The following MRPS31 variants were observed in gnomAD, a reference collection of about 807,000 sequenced individuals.
The protein encoded by MRPS31 is small ribosomal subunit protein mS31.
In MRPS31, 32 loss-of-function variants were observed where a neutral mutation model predicts 43.1. The observed-to-expected ratio is 0.74, with a 90% CI of 0.56 to 1.00. MRPS31 has a LOEUF of 1.00. Ranked by LOEUF, MRPS31 falls within the 50% of genes least tolerant of loss-of-function variation. MRPS31 has a pLI of 0.00. For synonymous variants in MRPS31, 165 were observed against 161.6 expected (o/e 1.02, Z -0.16); for missense variants, 437 against 466.7 (o/e 0.94, Z 0.59).
chr13:40,770,686 A>G (rs1880981576), intron 1 of MRPS31: 1 of 375,002 alleles, frequency 2.7e-6, no homozygotes, highest in African/African-American at 2.1e-5. Context: ...TAAATGAAGG[A>G]AAACAAATGA....
In MRPS31 at chr13:40,736,639, A is replaced by G. The variant is rs1264520084; in HGVS notation, c.959-7038T>C. 2.0e-5 allele frequency among the ~76,000 whole-genome samples: 3 copies of G among 150,864 alleles called. No individual in the cohort carries two copies. In the East Asian group the frequency reaches 5.9e-4, roughly 30 times the overall value. On this transcript the variant is annotated intron_variant, in intron 6 of 6. Coordinates refer to ENST00000323563, the MANE Select transcript of MRPS31 (RefSeq NM_005830.4). ...GGGGACCAATATTGAACATTCTTAA[A>G]GAAAAGAATTTTCAACCCAGAATTT...
At chr13:40,752,440 A>G (rs1043631041) in intron 5 of MRPS31, 2 of 152,226 alleles carry the variant, frequency 1.3e-5, no homozygotes, top group South Asian at 2.1e-4. Context: ...TTTTTGTAAT[A>G]TAAGAAGGGG....
intron 5 of MRPS31, 71 bp downstream of exon 5, chr13:40,753,948 T>G (rs1398292300): frequency 2.1e-6 from 2 of 972,224 alleles, no homozygotes; most frequent in Non-Finnish European, 3.2e-6. Context: ...TCCAAACTAT[T>G]AGAACACTAA....
intron 2 of MRPS31, among the ~76,000 whole-genome samples, chr13:40,764,946 T>G (rs970324076): frequency 6.6e-6 from 1 of 152,194 alleles, no homozygotes; most frequent in Non-Finnish European, 1.5e-5. Flanking sequence ...ACCATATCAA[T>G]GAAGGTTCAA....
At position 40,747,446 on chromosome 13, in the gene MRPS31, C is replaced by T. The variant is rs9577137; in HGVS notation, c.958+1692G>A. On this transcript the variant is annotated intron_variant, in intron 6 of 6. Transcript: ENST00000323563. ...ATGGCTAAAATGGACAGGGCTGCTA[C>T]TCAGGTTTGTACGACTAAAAAGGCG... Among the ~76,000 whole-genome samples, 305 of 152,300 alleles carry T rather than the reference C, an allele frequency of 2.0e-3. 4 individuals carry two copies. The East Asian group carries it at 0.047, about 24-fold the overall frequency.
chr13:40,765,622 T>C (rs117070317), intron 2 of MRPS31, among the ~76,000 whole-genome samples: 104 of 152,316 alleles, frequency 6.8e-4, no homozygotes, highest in Non-Finnish European at 1.2e-3. Flanking sequence ...CTGAATTAGC[T>C]TACTCTACTA....
rs539833541 is a variant in MRPS31 at position 40,742,223 on chromosome 13, A to G, written c.958+6915T>C. Reference sequence around the variant, plus strand: ...CATAAGAGACAGTGAAACATTAAACATAAGGAGGAAATCCTATATGATGCA... The same window carrying G: ...CATAAGAGACAGTGAAACATTAAACGTAAGGAGGAAATCCTATATGATGCA... On this transcript the variant is annotated intron_variant, in intron 6 of 6. Coordinates refer to ENST00000323563, the MANE Select transcript of MRPS31 (RefSeq NM_005830.4). 2.6e-5 allele frequency among the ~76,000 whole-genome samples: 4 copies of G among 152,220 alleles called. 1 individual carries two copies. The highest frequency in any genetic ancestry group is 4.1e-4 in the South Asian group (2 of 4,834).
intron 1 of MRPS31, among the ~76,000 whole-genome samples, chr13:40,770,588 G>A (rs1880979324): frequency 6.6e-6 from 1 of 152,150 alleles, no homozygotes; most frequent in Non-Finnish European, 1.5e-5. Flanking sequence ...GGAACTACAC[G>A]CTCCGTGATG....
chr13:40,730,260 C>G (rs556942348), intron 6 of MRPS31, among the ~76,000 whole-genome samples: 1 of 151,776 alleles, frequency 6.6e-6, no homozygotes. Flanking sequence ...TGGTGGCTCA[C>G]GCCTATAATC....
chr13:40,760,090 T>C (rs1330841725), intron 2 of MRPS31, among the ~76,000 whole-genome samples: 2 of 147,382 alleles, frequency 1.4e-5, no homozygotes, highest in Non-Finnish European at 3.0e-5. Context: ...TGAGCCAGGA[T>C]TGCGCCACTG....
chr13:40,734,904 C>T (rs1166086672), intron 6 of MRPS31, among the ~76,000 whole-genome samples: 2 of 152,072 alleles, frequency 1.3e-5, no homozygotes, highest in African/African-American at 4.8e-5. Flanking sequence ...TCAAAAAACC[C>T]CAAATAACGC....
chr13:40,742,524 C>T (rs1054552444), intron 6 of MRPS31, among the ~76,000 whole-genome samples: 2 of 152,156 alleles, frequency 1.3e-5, no homozygotes, highest in African/African-American at 4.8e-5. Context: ...AAACAACAAA[C>T]AGATCCTGCT....
intron 6 of MRPS31, among the ~76,000 whole-genome samples, chr13:40,731,611 G>A (rs1166775416): frequency 4.6e-5 from 7 of 150,710 alleles, no homozygotes; most frequent in African/African-American, 1.5e-4. Flanking sequence ...AAAAAGAAAA[G>A]ACAGAGGAAA....
At chr13:40,729,717 A>C in intron 6 of MRPS31, 116 bp from the exon 7 acceptor site, 1 of 701,928 alleles carries the variant, frequency 1.4e-6, no homozygotes, top group East Asian at 2.8e-5. Flanking sequence ...CTTTGGAGTT[A>C]GACCTAGGTT....
At chr13:40,766,600 T>C (rs960784323) in intron 2 of MRPS31, 146 bp downstream of exon 2, 17 of 865,104 alleles carry the variant, frequency 2.0e-5, no homozygotes, top group Non-Finnish European at 2.4e-5. Flanking sequence ...CAGCCTCGAG[T>C]AATTATTAGA....
At position 40,753,993 on chromosome 13, in the gene MRPS31, GAGAA is replaced by G. The variant is rs369158380; in HGVS notation, c.814+22_814+25del. 162 of 1,422,074 alleles carry G rather than the reference GAGAA, an allele frequency of 1.1e-4. 1 individual carries two copies. In the African/African-American group the frequency reaches 2.1e-3, roughly 19 times the overall value. 88.1% of individuals were successfully genotyped at this position (1,422,074 alleles called of 1,614,324 possible). A position where few individuals can be genotyped will look rare whatever the true frequency, so the allele number is the denominator to read the frequency against. ...GGAACGATGGAATGTTTCTCCACCT[GAGAA>G]AGAGTGTTATTCTTAACAAACCTGT... On this transcript the variant is annotated intron_variant, in intron 5 of 6. Coordinates refer to ENST00000323563, the MANE Select transcript of MRPS31 (RefSeq NM_005830.4).
chr13:40,761,599 C>G (rs146198036), intron 2 of MRPS31, among the ~76,000 whole-genome samples: 4 of 152,132 alleles, frequency 2.6e-5, no homozygotes, highest in African/African-American at 9.6e-5. Context: ...GATCTTTCTT[C>G]ATATATTTTA....
chr13:40,770,042 GA>G (rs1470939388), intron 1 of MRPS31, among the ~76,000 whole-genome samples: 1 of 152,112 alleles, frequency 6.6e-6, no homozygotes, highest in African/African-American at 2.4e-5. Context: ...ATAATATATG[GA>G]AAAATCTTTC....
chr13:40,768,625 C>A (rs1276055094), intron 1 of MRPS31, among the ~76,000 whole-genome samples: 1 of 152,024 alleles, frequency 6.6e-6, no homozygotes, highest in Non-Finnish European at 1.5e-5. Flanking sequence ...TTCCTAGGCT[C>A]AAGCGATCTG....
Sources: gnomAD v4.1 joint callset for allele counts (sites outside exome capture counted in the v4.1 genomes callset) on GRCh38, gnomAD v4.1.1 for gene constraint, MANE v1.5 for transcripts, NCBI Gene and HGNC (gene_info 2026-07-23, HGNC 2026-07-21) for gene names.